The following CHL1 variants were observed in gnomAD, a reference collection of about 807,000 sequenced individuals.
CHL1 encodes neural cell adhesion molecule L1-like protein.
Under a neutral mutation model 141.9 loss-of-function variants are expected in CHL1, and 96 were observed. The ratio of observed to expected loss-of-function variants is 0.68; its 90% CI spans 0.57 to 0.80. The LOEUF is 0.80. CHL1 is among the 30% of genes least tolerant of loss of function. The probability of loss-of-function intolerance (pLI) is 0.00; values close to 1 mark genes in which losing one functional copy is unlikely to be tolerated. For missense variants in CHL1, 1,820 were observed against 1,457.2 expected (o/e 1.25, Z -4.05); for synonymous variants, 613 against 502.2 (o/e 1.22, Z -2.95).
At chr3:330,661 T>C (rs779257898) in intron 5 of CHL1, among the ~76,000 whole-genome samples, 11 of 152,186 alleles carry the variant, frequency 7.2e-5, no homozygotes, top group African/African-American at 1.4e-4. Context: ...GGTTGATATA[T>C]AGAAGAATTG....
At chr3:336,698 A>C (rs1413351921) in intron 5 of CHL1, among the ~76,000 whole-genome samples, 2 of 152,242 alleles carry the variant, frequency 1.3e-5, no homozygotes, top group African/African-American at 2.4e-5. Flanking sequence ...GATATCCTAT[A>C]GATATAAATT....
At chr3:310,123 A>G (rs1277925983) in intron 2 of CHL1, among the ~76,000 whole-genome samples, 1 of 152,170 alleles carries the variant, frequency 6.6e-6, no homozygotes, top group East Asian at 1.9e-4. Context: ...AGAGAATAGT[A>G]GAGAAGGAGA....
chr3:345,914 T>C (rs9637430), intron 9 of CHL1, among the ~76,000 whole-genome samples: 92,934 of 152,054 alleles, frequency 0.61, 29,713 homozygotes, highest in Middle Eastern at 0.76. Context: ...TATTTAATCA[T>C]ACAGGGTCTC....
In CHL1 at chr3:405,525, C is replaced by T. The variant is rs1285432195; in HGVS notation, c.3489C>T (p.Ser1163=). ...SDSDEKPLKG[S]LRSLNRDMQP... ...GTGATGAAAAGCCTCTCAAAGGAAG[C>T]CTTCGGTCCCTTAATAGGGATATGC... Residue 1163 remains serine, a synonymous_variant, in exon 28 of 28, where the codon AGC becomes AGT. Transcript: ENST00000256509. 6 of 1,613,030 alleles carry T rather than the reference C, an allele frequency of 3.7e-6. 1 individual carries two copies. In the Middle Eastern group the frequency reaches 8.3e-4, roughly 222 times the overall value.
intron 1 of CHL1, among the ~76,000 whole-genome samples, chr3:212,261 C>A (rs1699961166): frequency 6.6e-6 from 1 of 152,064 alleles, no homozygotes; most frequent in Non-Finnish European, 1.5e-5. Context: ...TTTCCATAGT[C>A]TATTTTTATA....
intron 2 of CHL1, among the ~76,000 whole-genome samples, chr3:254,785 A>T (rs537414263): frequency 6.6e-6 from 1 of 152,170 alleles, no homozygotes; most frequent in Non-Finnish European, 1.5e-5. Context: ...TAAATCCTGC[A>T]TGAAGCCTCT....
chr3:320,193 G>A (rs1464314724), intron 3 of CHL1, among the ~76,000 whole-genome samples: 1 of 151,936 alleles, frequency 6.6e-6, no homozygotes, highest in Non-Finnish European at 1.5e-5. Flanking sequence ...TGTATACTTA[G>A]GTTAGTTAAT....
rs201381488 is a variant in CHL1, at chr3:285,838, G to GA, written c.-94-33835dup. ...GCTTTCTATGATCACTGCTAATTATGAAAAAAAAAATGTGCCTGCCTTGAT... is the reference window on the plus strand; with the variant it reads ...GCTTTCTATGATCACTGCTAATTATGAAAAAAAAAAATGTGCCTGCCTTGAT... On this transcript the variant is annotated intron_variant, in intron 2 of 27. Coordinates refer to ENST00000256509, the MANE Select transcript of CHL1 (RefSeq NM_006614.4). Among the ~76,000 whole-genome samples the GA allele has an allele frequency of 3.9e-3, 585 of 148,496 alleles. 2 individuals carry two copies. The highest frequency in any genetic ancestry group is 0.014 in the Middle Eastern group (4 of 290).
intron 2 of CHL1, among the ~76,000 whole-genome samples, chr3:292,916 T>C (rs1401618516): frequency 6.6e-6 from 1 of 152,124 alleles, no homozygotes; most frequent in Non-Finnish European, 1.5e-5. Context: ...ACCTCCAAAA[T>C]CAGGGAGTAC....
At chr3:272,535 A>C (rs1354452105) in intron 2 of CHL1, among the ~76,000 whole-genome samples, 1 of 152,204 alleles carries the variant, frequency 6.6e-6, no homozygotes, top group Non-Finnish European at 1.5e-5. Context: ...TAGCTAATAG[A>C]GTACACTAGT....
chr3:342,447 A>C lies in CHL1; in HGVS notation c.679+365A>C, dbSNP rs112914447. ...GCAGACTGAAAATGGGGGAGAAAACAACAGAGGCAAAAAGATGGAAATTTG... is the reference window on the plus strand; with the variant it reads ...GCAGACTGAAAATGGGGGAGAAAACCACAGAGGCAAAAAGATGGAAATTTG... On this transcript the variant is annotated intron_variant, in intron 7 of 27. Transcript: ENST00000256509. Among the ~76,000 whole-genome samples the C allele has an allele frequency of 4.9e-3, 739 of 152,264 alleles. 2 individuals are homozygous for C. Among genetic ancestry groups the C allele is most frequent in the African/African-American group, 0.017 (696 of 41,566 alleles).
At chr3:351,417 A>G (rs980568690) in intron 10 of CHL1, among the ~76,000 whole-genome samples, 1 of 152,204 alleles carries the variant, frequency 6.6e-6, no homozygotes, top group Non-Finnish European at 1.5e-5. Flanking sequence ...ACCTATACAC[A>G]TGAAAAACAA....
chr3:318,309 G>C (rs1700296280), intron 2 of CHL1, among the ~76,000 whole-genome samples: 1 of 151,790 alleles, frequency 6.6e-6, no homozygotes, highest in Non-Finnish European at 1.5e-5. Flanking sequence ...GAAATACTTA[G>C]AATTTAATGT....
intron 5 of CHL1, among the ~76,000 whole-genome samples, chr3:339,124 C>T (rs1221808555): frequency 6.6e-6 from 1 of 152,138 alleles, no homozygotes; most frequent in Non-Finnish European, 1.5e-5. Context: ...CACCAACTAC[C>T]CAACAGCACC....
rs187497336 is a variant in CHL1 at position 308,445 on chromosome 3, G to C, written c.-94-11238G>C. 2.6e-5 allele frequency among the ~76,000 whole-genome samples: 4 copies of C among 151,874 alleles called. No homozygotes were observed. In the South Asian group the frequency reaches 6.3e-4, roughly 24 times the overall value. On this transcript the variant is annotated intron_variant, in intron 2 of 27. Coordinates refer to ENST00000256509, the MANE Select transcript of CHL1 (RefSeq NM_006614.4). ...ATGTGCTCACTACTGATATCCACCT[G>C]AACAATTTGATTAACACAAAAAACT...
chr3:391,971 G>C (rs1251779156), intron 23 of CHL1, among the ~76,000 whole-genome samples, 174 bp downstream of exon 23: 1 of 152,194 alleles, frequency 6.6e-6, no homozygotes, highest in East Asian at 1.9e-4. Context: ...TCAGCCTGCT[G>C]CCTGTTTTTA....
chr3:267,087 G>A (rs1254465990), intron 2 of CHL1, among the ~76,000 whole-genome samples: 3 of 152,104 alleles, frequency 2.0e-5, no homozygotes, highest in Non-Finnish European at 4.4e-5. Context: ...TTTGCAGTAT[G>A]TATTTCCTAT....
chr3:211,533 C>T (rs1699903763), intron 1 of CHL1, among the ~76,000 whole-genome samples: 1 of 152,156 alleles, frequency 6.6e-6, no homozygotes, highest in Non-Finnish European at 1.5e-5. Flanking sequence ...TTCTCCAGAT[C>T]CTACCATCAC....
chr3:331,842 G>C (rs887734217), intron 5 of CHL1, among the ~76,000 whole-genome samples: 4 of 152,146 alleles, frequency 2.6e-5, no homozygotes, highest in Non-Finnish European at 5.9e-5. Flanking sequence ...AACCTCTTTA[G>C]TTACCAGAAA....
Sources: gnomAD v4.1 joint callset for allele counts (sites outside exome capture counted in the v4.1 genomes callset) on GRCh38, gnomAD v4.1.1 for gene constraint, MANE v1.5 for transcripts, NCBI Gene and HGNC (gene_info 2026-07-23, HGNC 2026-07-21) for gene names.